Variants in PAWR observed in about 807,000 individuals in gnomAD.
The protein encoded by PAWR is pro-apoptotic WT1 regulator, also known as PRKC apoptosis WT1 regulator protein.
PAWR carries 23 observed loss-of-function variants against 32.0 expected under a neutral mutation model. The observed-to-expected ratio is 0.72, with a 90% CI of 0.52 to 1.02. The LOEUF (loss-of-function observed/expected upper bound fraction) is 1.02, where lower values mean the gene tolerates loss of function less well. PAWR is among the 50% of genes least tolerant of loss of function. The pLI is 0.00. For missense variants in PAWR, 457 were observed against 437.7 expected (o/e 1.04, Z -0.39); for synonymous variants, 226 against 187.1 (o/e 1.21, Z -1.70).
chr12:79,667,865 T>C (rs2136841170), intron 2 of PAWR: 1 of 152,186 alleles, frequency 6.6e-6, no homozygotes. Context: ...ATAGGGTTGA[T>C]AATACTATCT....
At chr12:79,600,770 A>G (rs561981398) in intron 4 of PAWR, among the ~76,000 whole-genome samples, 126 of 149,562 alleles carry the variant, frequency 8.4e-4, no homozygotes, top group Admixed American at 3.9e-3. Context: ...TAAGCCAGCC[A>G]CATTTTACTT....
intron 2 of PAWR, among the ~76,000 whole-genome samples, chr12:79,625,675 C>A (rs530644254): frequency 2.0e-5 from 3 of 152,122 alleles, no homozygotes; most frequent in Admixed American, 6.5e-5. Flanking sequence ...AAAAAATTAG[C>A]TGGCCGTGGT....
intron 5 of PAWR, among the ~76,000 whole-genome samples, chr12:79,594,935 T>C (rs1345762479): frequency 1.3e-5 from 2 of 152,164 alleles, no homozygotes; most frequent in African/African-American, 4.8e-5. Flanking sequence ...CAGGCTGGTC[T>C]CGAACTCCTG....
intron 2 of PAWR, among the ~76,000 whole-genome samples, chr12:79,657,497 T>C (rs756532067): frequency 2.0e-5 from 3 of 151,412 alleles, no homozygotes; most frequent in Admixed American, 6.6e-5. Flanking sequence ...AAATCCTATA[T>C]AGATTCTGAA....
chr12:79,593,916 C>G (rs1217879006), intron 6 of PAWR, among the ~76,000 whole-genome samples: 2 of 151,658 alleles, frequency 1.3e-5, no homozygotes, highest in Non-Finnish European at 2.9e-5. Flanking sequence ...GTTGGCCAGG[C>G]TGGTCTCGAA....
At chr12:79,652,507 T>G (rs1316435154) in intron 2 of PAWR, among the ~76,000 whole-genome samples, 2 of 152,192 alleles carry the variant, frequency 1.3e-5, no homozygotes, top group Non-Finnish European at 2.9e-5. Flanking sequence ...AGCTTCAGAT[T>G]TGTAATTCTG....
intron 4 of PAWR, chr12:79,604,151 A>G (rs1198048174): frequency 2.6e-6 from 2 of 770,834 alleles, no homozygotes; most frequent in Middle Eastern, 6.7e-4. Context: ...CAAAATACTC[A>G]GAATAAAAGA....
At position 79,690,050 on chromosome 12, in the gene PAWR, A is replaced by T; in HGVS notation, c.195T>A (p.Ala65=). 7.4e-7 allele frequency: 1 copy of T among 1,358,916 alleles called. No homozygotes were observed. Among genetic ancestry groups the T allele is most frequent in the Non-Finnish European group, 9.4e-7 (1 of 1,065,548 alleles). The allele number at this position is 1,358,916 out of a possible 1,614,324, so 84.2% of individuals were successfully genotyped here. ...GGAGGTTGTTGTTGAGCTCGTTGGC[A>T]GCGGCGGCCGCCGGGGTGCCCAGAG... ...AGALGTPAAA[A]ANELNNNLPG... is the part of the protein sequence containing the mutation. Residue 65 remains alanine, a synonymous_variant, in exon 2 of 7, where the codon GCT becomes GCA. Coordinates refer to ENST00000328827, the MANE Select transcript of PAWR (RefSeq NM_002583.4).
chr12:79,625,590 G>C (rs917734125), intron 2 of PAWR, among the ~76,000 whole-genome samples: 2 of 152,082 alleles, frequency 1.3e-5, no homozygotes, highest in African/African-American at 4.8e-5. Flanking sequence ...GGGAGGCCAA[G>C]GCGGGCAGAT....
chr12:79,616,980 C>T (rs535915175), intron 3 of PAWR, among the ~76,000 whole-genome samples: 2 of 152,124 alleles, frequency 1.3e-5, no homozygotes, highest in Admixed American at 6.6e-5. Flanking sequence ...ACAGACGACA[C>T]GAGTTTATTC....
chr12:79,654,113 GTT>G (rs1419209118), intron 2 of PAWR, among the ~76,000 whole-genome samples: 2 of 152,134 alleles, frequency 1.3e-5, no homozygotes, highest in Non-Finnish European at 2.9e-5. Context: ...AGATAAAAAG[GTT>G]AACAAAAATG....
chr12:79,626,151 G>A (rs1261849063), intron 2 of PAWR, among the ~76,000 whole-genome samples: 4 of 99,388 alleles, frequency 4.0e-5, no homozygotes, highest in Non-Finnish European at 7.4e-5. Flanking sequence ...GCTACAGAGT[G>A]AGACTCCATC....
chr12:79,685,524 C>T (rs1430919299), intron 2 of PAWR, among the ~76,000 whole-genome samples: 1 of 152,148 alleles, frequency 6.6e-6, no homozygotes, highest in South Asian at 2.1e-4. Flanking sequence ...TTCACCAACA[C>T]GAGTTCAAAC....
intron 4 of PAWR, among the ~76,000 whole-genome samples, chr12:79,599,929 A>T (rs1302858445): frequency 3.3e-5 from 5 of 152,198 alleles, no homozygotes; most frequent in African/African-American, 4.8e-5. Flanking sequence ...TGCTCCGGTC[A>T]TCTTTGTAAT....
Position 79,605,574 on chromosome 12 carries a change from G to A in PAWR, c.683+8001C>T, listed in dbSNP as rs116581368. ...AAGCAATATGAAAAATTTCTGTGTAGTAAGAATAGGGGTCACACAAAAACT... is the reference window on the plus strand; with the variant it reads ...AAGCAATATGAAAAATTTCTGTGTAATAAGAATAGGGGTCACACAAAAACT... On this transcript the variant is annotated intron_variant, in intron 4 of 6. Coordinates refer to ENST00000328827, the MANE Select transcript of PAWR (RefSeq NM_002583.4). Among the ~76,000 whole-genome samples the A allele has an allele frequency of 2.1e-3, 321 of 151,518 alleles. 2 individuals carry two copies. The highest frequency in any genetic ancestry group is 7.6e-3 in the African/African-American group (313 of 41,242).
rs959804394 is a variant in PAWR, at chr12:79,588,907, G to C, written c.*3700C>G. The C allele has an allele frequency of 9.2e-5, 14 of 151,944 alleles. No individual in the cohort carries two copies. Among genetic ancestry groups the C allele is most frequent in the Admixed American group, 2.0e-4 (3 of 15,250 alleles). The allele number at this position is 151,944 out of a possible 1,614,324, so 9.4% of individuals were successfully genotyped here. ...TATATCCAGGAGAAACTTAGCATGGGGGGAGGTGCCTTAGTTGATGTGCCT... is the reference window on the plus strand; with the variant it reads ...TATATCCAGGAGAAACTTAGCATGGCGGGAGGTGCCTTAGTTGATGTGCCT... On this transcript the variant is annotated 3_prime_UTR_variant, in exon 7 of 7. Coordinates refer to ENST00000328827, the MANE Select transcript of PAWR (RefSeq NM_002583.4).
At chr12:79,688,078 C>G (rs1267904558) in intron 2 of PAWR, among the ~76,000 whole-genome samples, 3 of 152,038 alleles carry the variant, frequency 2.0e-5, no homozygotes, top group African/African-American at 4.8e-5. Flanking sequence ...AAAAACATTC[C>G]AGAGTATTAG....
At chr12:79,689,649 CG>C in intron 2 of PAWR, 79 bp downstream of exon 2, 1 of 1,464,608 alleles carries the variant, frequency 6.8e-7, no homozygotes, top group South Asian at 1.3e-5. Context: ...CTCTGCGCCC[CG>C]GGTAGCTCCC....
rs1050470629 is a variant in PAWR, at chr12:79,649,398, A to ATG, written c.517-28193_517-28192dup. 2.4e-4 allele frequency among the ~76,000 whole-genome samples: 37 copies of ATG among 152,250 alleles called. 1 individual carries two copies. The highest frequency in any genetic ancestry group is 8.4e-4 in the African/African-American group (35 of 41,538). On this transcript the variant is annotated intron_variant, in intron 2 of 6. Coordinates refer to ENST00000328827, the MANE Select transcript of PAWR (RefSeq NM_002583.4). ...TAGGTCACTAGATACAAAAACATATATGTCAAGGATATATATAACATACAA... is the reference window on the plus strand; with the variant it reads ...TAGGTCACTAGATACAAAAACATATATGTGTCAAGGATATATATAACATACAA...
Sources: allele counts gnomAD v4.1 joint callset (sites outside exome capture counted in the v4.1 genomes callset), GRCh38; gene constraint gnomAD v4.1.1; transcripts MANE v1.5; gene names NCBI Gene and HGNC (gene_info 2026-07-23, HGNC 2026-07-21).